ARMH1: variants seen among roughly 807,000 people sequenced by gnomAD.
ARMH1 encodes armadillo like helical domain containing 1, also known as armadillo-like helical domain containing protein 1.
A neutral mutation model predicts 50.2 loss-of-function variants in ARMH1; 34 were observed. The observed-to-expected ratio is 0.68, with a 90% CI of 0.51 to 0.90. The LOEUF (loss-of-function observed/expected upper bound fraction) is 0.90, where lower values mean the gene tolerates loss of function less well. Ranked by LOEUF, ARMH1 falls within the 40% of genes least tolerant of loss-of-function variation. ARMH1 has a pLI of 0.00. For synonymous variants in ARMH1, 221 were observed against 224.2 expected (o/e 0.99, Z 0.13); for missense variants, 538 against 553.9 (o/e 0.97, Z 0.29).
intron 6 of ARMH1, among the ~76,000 whole-genome samples, chr1:44,721,361 A>C (rs1329598633): frequency 1.3e-5 from 2 of 152,274 alleles, no homozygotes; most frequent in Non-Finnish European, 2.9e-5. Flanking sequence ...AGTTTTTCCT[A>C]CACTTAATTT....
intron 6 of ARMH1, among the ~76,000 whole-genome samples, chr1:44,708,641 C>A (rs114136552): frequency 1.3e-5 from 2 of 152,000 alleles, no homozygotes; most frequent in African/African-American, 2.4e-5. Context: ...CAACAGGAGG[C>A]GGAGGGGCTT....
intron 6 of ARMH1, among the ~76,000 whole-genome samples, chr1:44,718,259 G>C (rs1182931388): frequency 6.6e-6 from 1 of 152,162 alleles, no homozygotes; most frequent in East Asian, 1.9e-4. Flanking sequence ...CTGGCATTAC[G>C]CACTGCCAGC....
chr1:44,711,620 T>C (rs1238245927), intron 6 of ARMH1, among the ~76,000 whole-genome samples: 1 of 152,222 alleles, frequency 6.6e-6, no homozygotes, highest in Non-Finnish European at 1.5e-5. Context: ...TTCTTGATAA[T>C]GTCCTTTGTT....
chr1:44,702,810 T>C (rs527304722), intron 5 of ARMH1, among the ~76,000 whole-genome samples: 81 of 150,846 alleles, frequency 5.4e-4, no homozygotes, highest in Non-Finnish European at 8.7e-4. Context: ...AGAGTTTCCG[T>C]AAGGAGGACA....
At chr1:44,696,278 ACCCCCCGCC>A (rs1645826441) in intron 2 of ARMH1, among the ~76,000 whole-genome samples, 1 of 151,806 alleles carries the variant, frequency 6.6e-6, no homozygotes, top group African/African-American at 2.4e-5. Context: ...TGCTTCACAC[ACCCCCCGCC>A]CAAACAAAGC....
intron 6 of ARMH1, among the ~76,000 whole-genome samples, chr1:44,709,941 A>G (rs1411603055): frequency 6.6e-6 from 1 of 152,182 alleles, no homozygotes; most frequent in Non-Finnish European, 1.5e-5. Flanking sequence ...TGTAGAATAC[A>G]ATTTTTGTCT....
chr1:44,718,824 A>G (rs1646957537), intron 6 of ARMH1, among the ~76,000 whole-genome samples: 2 of 152,170 alleles, frequency 1.3e-5, no homozygotes, highest in African/African-American at 2.4e-5. Context: ...CGGGAGTTCA[A>G]GACCAGCCTG....
At chr1:44,678,154 A>G (rs574598906) in intron 1 of ARMH1, among the ~76,000 whole-genome samples, 43 of 152,256 alleles carry the variant, frequency 2.8e-4, no homozygotes, top group African/African-American at 9.9e-4. Flanking sequence ...AGGAAGATGA[A>G]GCATAGAGCA....
intron 1 of ARMH1, among the ~76,000 whole-genome samples, chr1:44,687,206 C>G (rs1645501016): frequency 6.6e-6 from 1 of 152,146 alleles, no homozygotes; most frequent in South Asian, 2.1e-4. Context: ...TTGCAGATGA[C>G]CATGTTTTCC....
At chr1:44,700,573 A>G (rs887984371) in intron 4 of ARMH1, among the ~76,000 whole-genome samples, 3 of 147,868 alleles carry the variant, frequency 2.0e-5, no homozygotes, top group Admixed American at 7.0e-5. Context: ...CCGAGATCGC[A>G]CCACTGTACT....
At chr1:44,721,753 AC>A (rs1647189575) in intron 6 of ARMH1, 1 of 152,080 alleles carries the variant, frequency 6.6e-6, no homozygotes. Flanking sequence ...GAAACACCCC[AC>A]CCACACGTCT....
chr1:44,697,505 G>A (rs1284304417), intron 3 of ARMH1, among the ~76,000 whole-genome samples: 1 of 152,018 alleles, frequency 6.6e-6, no homozygotes, highest in Non-Finnish European at 1.5e-5. Context: ...CTAGATCCAG[G>A]GCTCAAACAA....
chr1:44,709,523 T>G (rs1385530102), intron 6 of ARMH1, among the ~76,000 whole-genome samples: 2 of 151,696 alleles, frequency 1.3e-5, no homozygotes, highest in Non-Finnish European at 3.0e-5. Context: ...ATACAAAAAA[T>G]TAGCCGGGCG....
intron 6 of ARMH1, among the ~76,000 whole-genome samples, chr1:44,718,975 A>T (rs1426344572): frequency 6.6e-6 from 1 of 150,760 alleles, no homozygotes; most frequent in Non-Finnish European, 1.5e-5. Context: ...CAGTGAGCTA[A>T]GATCGCACCA....
At chr1:44,685,289 G>A (rs1163887007) in intron 1 of ARMH1, among the ~76,000 whole-genome samples, 1 of 151,956 alleles carries the variant, frequency 6.6e-6, no homozygotes, top group Admixed American at 6.6e-5. Flanking sequence ...AACAGCAACT[G>A]GGGAGGGTGA....
intron 6 of ARMH1, among the ~76,000 whole-genome samples, chr1:44,706,521 C>T (rs769473787): frequency 2.0e-5 from 3 of 152,118 alleles, no homozygotes; most frequent in African/African-American, 7.2e-5. Flanking sequence ...CTGAGGTTCA[C>T]GTACGCAAGT....
At chr1:44,722,164 C>G (rs1174654430) in intron 6 of ARMH1, among the ~76,000 whole-genome samples, 1 of 152,166 alleles carries the variant, frequency 6.6e-6, no homozygotes, top group Non-Finnish European at 1.5e-5. Context: ...CCTCTAAACC[C>G]TCTCTCTCTT....
intron 6 of ARMH1, among the ~76,000 whole-genome samples, chr1:44,715,569 T>C (rs1229611019): frequency 1.3e-5 from 2 of 152,174 alleles, no homozygotes; most frequent in African/African-American, 4.8e-5. Flanking sequence ...ATCTGTTTTT[T>C]GTTTTTTTGA....
At chr1:44,714,902 G>C (rs1010382215) in intron 6 of ARMH1, among the ~76,000 whole-genome samples, 35 of 151,792 alleles carry the variant, frequency 2.3e-4, no homozygotes, top group East Asian at 1.9e-4. Flanking sequence ...TTTTTGTTGG[G>C]GGGGAAACAG....
Sources: allele counts gnomAD v4.1 joint callset (sites outside exome capture counted in the v4.1 genomes callset), GRCh38; gene constraint gnomAD v4.1.1; transcripts MANE v1.5; gene names NCBI Gene and HGNC (gene_info 2026-07-23, HGNC 2026-07-21).